Variants in STXBP4 observed in about 807,000 individuals in gnomAD.
STXBP4 encodes the protein syntaxin-binding protein 4.
A neutral mutation model predicts 76.1 loss-of-function variants in STXBP4; 55 were observed. The ratio of observed to expected loss-of-function variants is 0.72; its 90% CI spans 0.58 to 0.91. The LOEUF (loss-of-function observed/expected upper bound fraction) is 0.91, where lower values mean the gene tolerates loss of function less well. Ranked by LOEUF, STXBP4 falls within the 40% of genes least tolerant of loss-of-function variation. The probability of loss-of-function intolerance (pLI) is 0.00; values close to 1 mark genes in which losing one functional copy is unlikely to be tolerated. For missense variants in STXBP4, 618 were observed against 636.9 expected (o/e 0.97, Z 0.32); for synonymous variants, 201 against 220.2 (o/e 0.91, Z 0.77).
At chr17:55,106,760 CT>C (rs1374163134) in intron 16 of STXBP4, among the ~76,000 whole-genome samples, 3 of 152,160 alleles carry the variant, frequency 2.0e-5, no homozygotes, top group Admixed American at 1.3e-4. Context: ...GTTGAAAATT[CT>C]TTTCTTTAAG....
At chr17:55,210,814 G>A in the STXBP4 span, among the ~76,000 whole-genome samples, 1 of 152,026 alleles carries the variant, frequency 6.6e-6, no homozygotes, top group South Asian at 2.1e-4. Flanking sequence ...ATCTTATATT[G>A]TTATCATTGC....
the STXBP4 span, among the ~76,000 whole-genome samples, chr17:55,209,500 G>T: frequency 6.6e-6 from 1 of 152,186 alleles, no homozygotes; most frequent in East Asian, 1.9e-4. Context: ...CACTACTTGG[G>T]CAAGTTGTGC....
intron 16 of STXBP4, among the ~76,000 whole-genome samples, chr17:55,133,916 G>T (rs557284792): frequency 3.9e-5 from 6 of 152,192 alleles, no homozygotes; most frequent in African/African-American, 7.2e-5. Context: ...TAAGGTTTTT[G>T]TAAGGTTTAG....
At chr17:55,028,330 A>C (rs1221570167) in intron 8 of STXBP4, among the ~76,000 whole-genome samples, 1 of 152,154 alleles carries the variant, frequency 6.6e-6, no homozygotes, top group Non-Finnish European at 1.5e-5. Context: ...CAGTGTACAA[A>C]CATAACAATT....
At chr17:55,088,587 G>T (rs2144953046) in intron 16 of STXBP4, among the ~76,000 whole-genome samples, 1 of 152,230 alleles carries the variant, frequency 6.6e-6, no homozygotes, top group Middle Eastern at 3.4e-3. Context: ...AGTAGAGACA[G>T]GTTTTCACCA....
chr17:55,043,451 A>G, intron 11 of STXBP4, 126 bp downstream of exon 11: 1 of 742,734 alleles, frequency 1.3e-6, no homozygotes, highest in South Asian at 2.8e-5. Flanking sequence ...AATATCAAAT[A>G]GTAAAAATCA....
chr17:55,084,407 A>G (rs981143787), intron 16 of STXBP4, among the ~76,000 whole-genome samples: 4 of 152,116 alleles, frequency 2.6e-5, no homozygotes, highest in Non-Finnish European at 5.9e-5. Context: ...GTAGGTTGCG[A>G]AAATTTTCTC....
chr17:55,149,926 T>C (rs538802936), intron 17 of STXBP4, among the ~76,000 whole-genome samples: 5 of 152,260 alleles, frequency 3.3e-5, no homozygotes, highest in African/African-American at 1.2e-4. Flanking sequence ...TCAAAGCCCC[T>C]TTTCCCCCTC....
chr17:55,067,666 A>G (rs533201997), intron 12 of STXBP4, among the ~76,000 whole-genome samples: 6 of 152,290 alleles, frequency 3.9e-5, no homozygotes, highest in Middle Eastern at 6.8e-3. Flanking sequence ...CTTCATCAAT[A>G]TTTTGAGGAA....
chr17:55,071,930 A>G (rs183867115), intron 12 of STXBP4, among the ~76,000 whole-genome samples: 37 of 151,514 alleles, frequency 2.4e-4, no homozygotes, highest in Middle Eastern at 6.8e-3. Flanking sequence ...GGTTTACAGT[A>G]TAAGAAGTGC....
intron 1 of STXBP4, among the ~76,000 whole-genome samples, chr17:54,976,677 T>C (rs759830883): frequency 3.3e-5 from 5 of 152,122 alleles, no homozygotes; most frequent in Admixed American, 6.5e-5. Flanking sequence ...TCCTGTCAGA[T>C]CAGTGGCAGC....
At chr17:55,206,405 A>C in the STXBP4 span, among the ~76,000 whole-genome samples, 1 of 152,196 alleles carries the variant, frequency 6.6e-6, no homozygotes. Flanking sequence ...TCAACTTCAC[A>C]TCCAATTGAA....
In STXBP4 at chr17:54,990,937, C is replaced by G. The variant is rs999510321; in HGVS notation, c.160C>G (p.Pro54Ala). ...GPLVYIQEII[P>A]GGDCYKDGRL... Reference sequence around the variant, plus strand: ...ATTGGTATATATTCAGGAAATTATTCCTGGAGGAGACTGTTATAAGGTAAA... The same window carrying G: ...ATTGGTATATATTCAGGAAATTATTGCTGGAGGAGACTGTTATAAGGTAAA... Residue 54 changes from proline (P) to alanine (A), a missense_variant, in exon 4 of 18, where the codon CCT becomes GCT. Physicochemically the swap from Pro to Ala is conservative, Grantham distance 27. Coordinates refer to ENST00000376352, the MANE Select transcript of STXBP4 (RefSeq NM_178509.6). 1.9e-6 allele frequency: 3 copies of G among 1,584,242 alleles called. No individual in the cohort carries two copies. In the African/African-American group the frequency reaches 4.1e-5, roughly 22 times the overall value.
intron 17 of STXBP4, among the ~76,000 whole-genome samples, chr17:55,151,219 G>T (rs902439610): frequency 2.0e-5 from 3 of 152,150 alleles, no homozygotes; most frequent in African/African-American, 7.2e-5. Context: ...AGTAGCAAAT[G>T]ATTACAGGGA....
chr17:54,999,449 G>A lies in STXBP4; in HGVS notation c.285G>A (p.Leu95=). 1 of 1,608,188 alleles carries A rather than the reference G, an allele frequency of 6.2e-7. No homozygotes were observed. Among genetic ancestry groups the A allele is most frequent in the Non-Finnish European group, 8.5e-7 (1 of 1,176,392 alleles). ...AAAGCATAATTACCGGAGCCAAGTT[G>A]AGGTAACTATACTATCCATGAGATA... The part of the protein sequence containing the change: ...EAKSIITGAK[L]RLESAWEIAF... Residue 95 remains leucine (L), a splice_region_variant and synonymous_variant, in exon 5 of 18, where the codon TTG becomes TTA. Transcript: ENST00000376352.
rs1836974362 is a variant in STXBP4, at chr17:55,163,646, T to G, written c.*3735T>G. The G allele has an allele frequency of 6.6e-6, 1 of 152,192 alleles. No homozygotes were observed. The highest frequency in any genetic ancestry group is 1.5e-5 in the Non-Finnish European group (1 of 68,040). 9.4% of individuals were successfully genotyped at this position (152,192 alleles called of 1,614,324 possible). ...ATTTGCATGCTATGAGGCTAAATGG[T>G]ACTGATTCTCAAAACAAGGAGCTCA... is the stretch of plus-strand genomic sequence containing the variant. On this transcript the variant is annotated 3_prime_UTR_variant, in exon 18 of 18. Transcript: ENST00000376352.
chr17:55,071,600 A>G (rs2079119596), intron 12 of STXBP4, among the ~76,000 whole-genome samples: 1 of 152,158 alleles, frequency 6.6e-6, no homozygotes, highest in South Asian at 2.1e-4. Context: ...TAGAATGTAA[A>G]TTCCAAGGAG....
the STXBP4 span, among the ~76,000 whole-genome samples, chr17:55,197,609 G>A: frequency 1.3e-5 from 2 of 152,128 alleles, no homozygotes; most frequent in South Asian, 4.1e-4. Context: ...CAGGCGTGGT[G>A]GCATGCACCT....
At chr17:54,999,277 A>G in intron 4 of STXBP4, 68 bp from the exon 5 acceptor site, 3 of 1,311,972 alleles carry the variant, frequency 2.3e-6, no homozygotes, top group South Asian at 2.8e-5. Flanking sequence ...TCATTGCTTT[A>G]ATTACATCAA....
Sources: allele counts gnomAD v4.1 joint callset (sites outside exome capture counted in the v4.1 genomes callset), GRCh38; gene constraint gnomAD v4.1.1; transcripts MANE v1.5; gene names NCBI Gene and HGNC (gene_info 2026-07-23, HGNC 2026-07-21).